TNFRSF13B: variants seen among roughly 807,000 people sequenced by gnomAD.
TNFRSF13B encodes TNF receptor superfamily member 13B, also known as tumor necrosis factor receptor superfamily member 13B.
Under a neutral mutation model 24.0 loss-of-function variants are expected in TNFRSF13B, and 34 were observed. The observed-to-expected ratio is 1.41, with a 90% CI of 1.08 to 1.88. TNFRSF13B has a LOEUF of 1.88. Ranked by LOEUF, TNFRSF13B falls within the 40% of genes most tolerant of loss-of-function variation. TNFRSF13B has a pLI of 0.00. For missense variants in TNFRSF13B, 415 were observed against 380.8 expected (o/e 1.09, Z -0.75); for synonymous variants, 173 against 150.3 (o/e 1.15, Z -1.10).
chr17:16,948,647 T>C (rs1165793368), intron 3 of TNFRSF13B, 91 bp downstream of exon 3: 1 of 1,579,842 alleles, frequency 6.3e-7, no homozygotes, highest in Non-Finnish European at 8.7e-7. Context: ...GCTTCATGCA[T>C]TGTGGACTCT....
Position 16,948,780 on chromosome 17 carries a change from T to C in TNFRSF13B, c.403A>G (p.Arg135Gly). The change falls in exon 3 of 5, where the codon AGG (arginine) becomes GGG (glycine). Residue 135 changes from arginine (R) to glycine (G), a missense_variant. Physicochemically the swap from Arg to Gly is moderately radical, Grantham distance 125. Transcript: ENST00000261652. ...EVENNSDNSG[R>G]YQGLEHRGSE... ...CCTCTGTGCTCCAATCCTTGGTACC[T>C]TCCCGAGTTGTCTGAATTGTTTTCA... 6.2e-7 allele frequency: 1 copy of C among 1,614,226 alleles called. No individual in the cohort carries two copies.
chr17:16,962,342 A>G (rs992263096), intron 1 of TNFRSF13B, among the ~76,000 whole-genome samples: 1 of 152,148 alleles, frequency 6.6e-6, no homozygotes, highest in Non-Finnish European at 1.5e-5. Context: ...CCCTGTCTTC[A>G]CTGAAAATAC....
Position 16,948,879 on chromosome 17 carries a change from A to T in TNFRSF13B, c.304T>A (p.Tyr102Asn), listed in dbSNP as rs767933010. 7 of 1,614,250 alleles carry T rather than the reference A, an allele frequency of 4.3e-6. No homozygotes were observed. The South Asian group carries it at 6.6e-5, about 15-fold the overall frequency. ...ICGQHPKQCA[Y>N]FCENKLRSPV... ...CTCCTGAGCTTGTTCTCACAGAAGT[A>T]TGCACATTGCTTAGGGTGCTGTCCA... Residue 102 changes from tyrosine to asparagine, a missense_variant, in exon 3 of 5, where the codon TAC becomes AAC. Transcript: ENST00000261652.
At chr17:16,961,117 G>A (rs142875529) in intron 1 of TNFRSF13B, among the ~76,000 whole-genome samples, 2 of 152,216 alleles carry the variant, frequency 1.3e-5, no homozygotes, top group Admixed American at 1.3e-4. Flanking sequence ...TTAGAGATCT[G>A]AAGCAAGTGG....
intron 3 of TNFRSF13B, 80 bp downstream of exon 3, chr17:16,948,658 C>T: frequency 1.9e-6 from 3 of 1,602,980 alleles, no homozygotes; most frequent in Middle Eastern, 2.3e-4. Context: ...TGTGGACTCT[C>T]CTGTTCTAGG....
chr17:16,968,647 G>C (rs1312927276), intron 1 of TNFRSF13B, among the ~76,000 whole-genome samples: 1 of 152,196 alleles, frequency 6.6e-6, no homozygotes, highest in Admixed American at 6.5e-5. Flanking sequence ...ATGATTTGAG[G>C]CTAGGCAGTG....
intron 3 of TNFRSF13B, among the ~76,000 whole-genome samples, chr17:16,948,300 C>G (rs574771004): frequency 6.6e-6 from 1 of 152,026 alleles, no homozygotes. Context: ...AGCAACATAC[C>G]CATGTAACAA....
At chr17:16,941,712 T>C (rs778410122) in intron 3 of TNFRSF13B, among the ~76,000 whole-genome samples, 18 of 152,226 alleles carry the variant, frequency 1.2e-4, no homozygotes, top group South Asian at 4.1e-4. Context: ...AACTGTCTAA[T>C]TGGAGACAAT....
At chr17:16,956,337 G>A (rs1050844539) in intron 1 of TNFRSF13B, among the ~76,000 whole-genome samples, 1 of 152,190 alleles carries the variant, frequency 6.6e-6, no homozygotes, top group African/African-American at 2.4e-5. Flanking sequence ...CACTCAAAAT[G>A]TCCAGGTCTC....
intron 1 of TNFRSF13B, among the ~76,000 whole-genome samples, chr17:16,959,423 A>G (rs2087646488): frequency 6.7e-6 from 1 of 149,078 alleles, no homozygotes; most frequent in Non-Finnish European, 1.5e-5. Flanking sequence ...TACCTTGAGG[A>G]AATAAAAATA....
At chr17:16,941,837 A>G (rs1336655750) in intron 3 of TNFRSF13B, among the ~76,000 whole-genome samples, 1 of 152,014 alleles carries the variant, frequency 6.6e-6, no homozygotes, top group African/African-American at 2.4e-5. Flanking sequence ...TATTCCAGAC[A>G]TTTCATATTA....
chr17:16,939,767 C>T lies in TNFRSF13B; in HGVS notation c.662G>A (p.Ser221Asn), dbSNP rs1201167195. ...DHAMEAGSPVSTSPEPVETCS... is the reference protein window; with the variant it reads ...DHAMEAGSPVNTSPEPVETCS... ...GGTCTCCACTGGCTCGGGGGATGTG[C>T]TCACAGGGCTGCCGGCTTCCATCGC... Residue 221 changes from serine to asparagine, a missense_variant, in exon 5 of 5, where the codon AGC (serine) becomes AAC (asparagine). Ser to Asn is a conservative substitution (Grantham distance 46, BLOSUM62 1). Coordinates refer to ENST00000261652, the MANE Select transcript of TNFRSF13B (RefSeq NM_012452.3). 6.2e-7 allele frequency: 1 copy of T among 1,611,518 alleles called. No homozygotes were observed. Among genetic ancestry groups the T allele is most frequent in the East Asian group, 2.2e-5 (1 of 44,858 alleles).
At chr17:16,945,500 A>G (rs1385130823) in intron 3 of TNFRSF13B, among the ~76,000 whole-genome samples, 4 of 152,188 alleles carry the variant, frequency 2.6e-5, no homozygotes, top group African/African-American at 9.7e-5. Flanking sequence ...AAGTCACTCC[A>G]AATTTGAGAC....
chr17:16,963,005 G>A (rs892624988), intron 1 of TNFRSF13B, among the ~76,000 whole-genome samples: 2 of 152,226 alleles, frequency 1.3e-5, no homozygotes, highest in Non-Finnish European at 2.9e-5. Flanking sequence ...CTTTGGGGAT[G>A]AGCCTGGGGA....
chr17:16,968,657 G>A (rs2087722141), intron 1 of TNFRSF13B, among the ~76,000 whole-genome samples: 1 of 152,232 alleles, frequency 6.6e-6, no homozygotes, highest in African/African-American at 2.4e-5. Flanking sequence ...GCTAGGCAGT[G>A]ACACCAAATG....
chr17:16,961,302 A>G (rs778288665), intron 1 of TNFRSF13B, among the ~76,000 whole-genome samples: 4 of 152,260 alleles, frequency 2.6e-5, no homozygotes, highest in Non-Finnish European at 4.4e-5. Flanking sequence ...CCCAACATTC[A>G]GAACAGCATA....
chr17:16,971,209 C>T (rs975746318), intron 1 of TNFRSF13B, among the ~76,000 whole-genome samples: 4 of 151,948 alleles, frequency 2.6e-5, no homozygotes, highest in African/African-American at 9.7e-5. Flanking sequence ...ATTAGCCGGG[C>T]GTGGTGGTGG....
chr17:16,971,864 T>C (rs553679745), intron 1 of TNFRSF13B, 151 bp downstream of exon 1: 2 of 769,794 alleles, frequency 2.6e-6, no homozygotes, highest in Non-Finnish European at 4.5e-6. Context: ...GGGCTCTCCA[T>C]GTGCAGGAGC....
At chr17:16,964,230 T>C (rs1024214530) in intron 1 of TNFRSF13B, among the ~76,000 whole-genome samples, 6 of 151,988 alleles carry the variant, frequency 3.9e-5, no homozygotes, top group African/African-American at 1.5e-4. Flanking sequence ...TTCCCCGGGC[T>C]ATTTTGAAAT....
Sources: gnomAD v4.1 joint callset for allele counts (sites outside exome capture counted in the v4.1 genomes callset) on GRCh38, gnomAD v4.1.1 for gene constraint, MANE v1.5 for transcripts, NCBI Gene and HGNC (gene_info 2026-07-23, HGNC 2026-07-21) for gene names.